Variants in TTC34 observed in about 807,000 individuals in gnomAD.
The protein encoded by TTC34 is tetratricopeptide repeat domain 34.
A neutral mutation model predicts 40.7 loss-of-function variants in TTC34; 44 were observed. The ratio of observed to expected loss-of-function variants is 1.08; its 90% CI spans 0.85 to 1.39. TTC34 has a LOEUF of 1.39. Among genes scored for constraint, TTC34 ranks in the 40% most tolerant of loss-of-function variants. The pLI, the probability that TTC34 is intolerant of heterozygous loss-of-function variation, is 0.00. For missense variants in TTC34, 884 were observed against 838.0 expected, an observed-to-expected ratio of 1.05 and a Z score of -0.68; for synonymous variants, 422 against 398.6, an observed-to-expected ratio of 1.06 and a Z score of -0.70.
exon 9 of TTC34, chr1:2,638,059 T>G (rs1638826080): frequency 6.6e-6 from 1 of 152,136 alleles, no homozygotes; most frequent in African/African-American, 2.4e-5. Context: ...ATTTATTTTT[T>G]TTGTTCTGCT....
At chr1:2,798,085 C>A (rs1327003700) in intron 2 of TTC34, among the ~76,000 whole-genome samples, 3 of 150,022 alleles carry the variant, frequency 2.0e-5, no homozygotes, top group African/African-American at 7.4e-5. Flanking sequence ...AGCCCCTCAG[C>A]TCCCCAGCCT....
chr1:2,784,981 G>A (rs553161396), intron 5 of TTC34, among the ~76,000 whole-genome samples: 3,888 of 29,160 alleles, frequency 0.13, 166 homozygotes, highest in African/African-American at 0.44. Context: ...ACTCTGGGCC[G>A]CTCTGGGCTG....
At chr1:2,684,848 G>A (rs1640250918) in intron 6 of TTC34, among the ~76,000 whole-genome samples, 3 of 119,096 alleles carry the variant, frequency 2.5e-5, no homozygotes, top group Admixed American at 1.7e-4. Flanking sequence ...CCACAGGTGA[G>A]CATCTGACAG....
intron 2 of TTC34, among the ~76,000 whole-genome samples, chr1:2,797,012 C>T (rs1263717254): frequency 6.6e-6 from 1 of 152,138 alleles, no homozygotes; most frequent in Non-Finnish European, 1.5e-5. Context: ...TCTCTTCTGG[C>T]CCTGATCCGT....
chr1:2,768,185 A>T (rs950369341), intron 6 of TTC34, among the ~76,000 whole-genome samples: 1 of 151,880 alleles, frequency 6.6e-6, no homozygotes, highest in Admixed American at 6.6e-5. Flanking sequence ...AGCATCTGAC[A>T]GCCTGGAGCA....
At chr1:2,639,393 A>C (rs1638853284) in exon 9 of TTC34, 1 of 152,402 alleles carries the variant, frequency 6.6e-6, no homozygotes, top group Non-Finnish European at 1.5e-5. Flanking sequence ...AGGAGCAGGG[A>C]ACGTGGTGGG....
chr1:2,787,079 A>G (rs893776022), intron 4 of TTC34, among the ~76,000 whole-genome samples: 2 of 152,160 alleles, frequency 1.3e-5, no homozygotes, highest in African/African-American at 4.8e-5. Context: ...GCAGGAGGGA[A>G]GGTCCCCTCT....
intron 6 of TTC34, among the ~76,000 whole-genome samples, chr1:2,749,726 C>T (rs1206533781): frequency 2.1e-5 from 2 of 93,618 alleles, no homozygotes; most frequent in Non-Finnish European, 4.1e-5. Context: ...CACGCACAAC[C>T]CCAGGTGAGC....
intron 6 of TTC34, among the ~76,000 whole-genome samples, chr1:2,754,847 C>CAGCTCTCACA (rs1641452609): frequency 7.3e-6 from 1 of 136,732 alleles, no homozygotes; most frequent in Non-Finnish European, 1.5e-5. Flanking sequence ...CAGACTGGAA[C>CAGCTCTCACA]AGCACCCACA....
exon 3 of TTC34, chr1:2,790,157 G>C (rs1229853987): frequency 2.5e-6 from 1 of 398,258 alleles, no homozygotes; most frequent in African/African-American, 2.1e-5. Flanking sequence ...GCCCACGTCC[G>C]CGGCCTCCTG....
At chr1:2,752,160 G>C (rs1344426612) in intron 6 of TTC34, among the ~76,000 whole-genome samples, 1 of 116,102 alleles carries the variant, frequency 8.6e-6, no homozygotes, top group Non-Finnish European at 1.7e-5. Flanking sequence ...GTCTGGAGCA[G>C]CACCCACACC....
At chr1:2,789,344 A>AT (rs1643633033) in intron 3 of TTC34, among the ~76,000 whole-genome samples, 159 bp downstream of exon 3, 1 of 152,218 alleles carries the variant, frequency 6.6e-6, no homozygotes, top group Non-Finnish European at 1.5e-5. Flanking sequence ...GGCCCGGTCG[A>AT]TGGAAGCAGC....
chr1:2,771,625 C>T (rs1347443354), intron 6 of TTC34, among the ~76,000 whole-genome samples: 1 of 63,686 alleles, frequency 1.6e-5, no homozygotes, highest in Non-Finnish European at 2.7e-5. Flanking sequence ...CAGGTGACAG[C>T]CTGGAGCAGT....
Position 2,683,144 on chromosome 1 carries a change from C to T in TTC34, c.2227-37581G>A, listed in dbSNP as rs572442716. On this transcript the variant is annotated intron_variant, in intron 6 of 8. Coordinates refer to ENST00000401095, the Ensembl canonical transcript of TTC34. ...GAGCATTTGACAGCCTGGAACAGCACGCACAGCCCCAGGAGAGCATCCGGC... is the reference window on the plus strand; with the variant it reads ...GAGCATTTGACAGCCTGGAACAGCATGCACAGCCCCAGGAGAGCATCCGGC... Among the ~76,000 whole-genome samples, 24 of 135,570 alleles carry T rather than the reference C, an allele frequency of 1.8e-4. 3 individuals are homozygous for T. The Middle Eastern group carries it at 0.014, about 79-fold the overall frequency. 88.9% of individuals were successfully genotyped at this position (135,570 alleles called of 152,430 possible).
intron 2 of TTC34, among the ~76,000 whole-genome samples, chr1:2,791,506 A>G (rs971620524): frequency 1.3e-5 from 2 of 152,180 alleles, no homozygotes; most frequent in Non-Finnish European, 2.9e-5. Context: ...CGCAGGGCAC[A>G]GAAGCAAAGC....
intron 6 of TTC34, among the ~76,000 whole-genome samples, chr1:2,750,264 G>C (rs1641271478): frequency 1.5e-5 from 2 of 133,796 alleles, no homozygotes; most frequent in Non-Finnish European, 1.6e-5. Flanking sequence ...GCATCTGACA[G>C]CCTGGAAAAG....
At chr1:2,782,587 G>T (rs1405829324) in intron 6 of TTC34, among the ~76,000 whole-genome samples, 2 of 151,866 alleles carry the variant, frequency 1.3e-5, no homozygotes, top group African/African-American at 4.8e-5. Flanking sequence ...TTGTTGATTT[G>T]AGATCTTTCT....
At chr1:2,647,531 G>C (rs1389656236) in intron 6 of TTC34, among the ~76,000 whole-genome samples, 2 of 152,208 alleles carry the variant, frequency 1.3e-5, no homozygotes, top group Non-Finnish European at 1.5e-5. Flanking sequence ...CTACTCAGGA[G>C]GCTAAGGCAG....
At chr1:2,768,344 C>A (rs1258145180) in intron 6 of TTC34, among the ~76,000 whole-genome samples, 1 of 152,052 alleles carries the variant, frequency 6.6e-6, no homozygotes, top group African/African-American at 2.4e-5. Flanking sequence ...TTATCAGATG[C>A]TCACCTGGGG....
Sources: gnomAD v4.1 joint callset for allele counts (sites outside exome capture counted in the v4.1 genomes callset) on GRCh38, gnomAD v4.1.1 for gene constraint, MANE v1.5 for transcripts, NCBI Gene and HGNC (gene_info 2026-07-23, HGNC 2026-07-21) for gene names.